Variants in HMCN1 observed in about 807,000 individuals in gnomAD.
HMCN1 encodes hemicentin-1.
Under a neutral mutation model 625.9 loss-of-function variants are expected in HMCN1, and 321 were observed. The observed-to-expected ratio is 0.51, with a 90% CI of 0.47 to 0.56. The LOEUF (loss-of-function observed/expected upper bound fraction) is 0.56, where lower values mean the gene tolerates loss of function less well. Ranked by LOEUF, HMCN1 falls within the 20% of genes least tolerant of loss-of-function variation. The pLI is 0.00. For missense variants in HMCN1, 6,588 were observed against 6,887.3 expected, an observed-to-expected ratio of 0.96 and a Z score of 1.54; for synonymous variants, 2,425 against 2,417.6, an observed-to-expected ratio of 1.00 and a Z score of -0.09.
intron 1 of HMCN1, among the ~76,000 whole-genome samples, chr1:185,752,255 T>G (rs1654866012): frequency 6.6e-6 from 1 of 152,080 alleles, no homozygotes; most frequent in Admixed American, 6.6e-5. Context: ...TTTTTTGGGT[T>G]AGTGGGAGGA....
At chr1:186,131,638 A>T (rs1339212562) in intron 85 of HMCN1, among the ~76,000 whole-genome samples, 1 of 152,084 alleles carries the variant, frequency 6.6e-6, no homozygotes, top group African/African-American at 2.4e-5. Context: ...ACTACCTGCA[A>T]ATCAGTTCCC....
intron 2 of HMCN1, among the ~76,000 whole-genome samples, chr1:185,848,795 A>C (rs893943422): frequency 3.9e-5 from 6 of 152,084 alleles, no homozygotes; most frequent in African/African-American, 1.5e-4. Context: ...CCTTATAGTC[A>C]GTCCAACTGT....
intron 68 of HMCN1, among the ~76,000 whole-genome samples, chr1:186,102,357 G>T (rs1171420504): frequency 6.6e-6 from 1 of 152,078 alleles, no homozygotes; most frequent in Non-Finnish European, 1.5e-5. Context: ...GGAAAACAGA[G>T]ACTAACAGAT....
In HMCN1 at chr1:185,811,827, C is replaced by T. The variant is rs185480358; in HGVS notation, c.269-34199C>T. Among the ~76,000 whole-genome samples, 305 of 152,116 alleles carry T rather than the reference C, an allele frequency of 2.0e-3. 4 individuals carry two copies. Among genetic ancestry groups the T allele is most frequent in the African/African-American group, 7.2e-3 (298 of 41,522 alleles). On this transcript the variant is annotated intron_variant, in intron 1 of 106. Coordinates refer to ENST00000271588, the MANE Select transcript of HMCN1 (RefSeq NM_031935.3). ...TGAAATGCTGAACATATTGAACTAA[C>T]CTATGGACCTTCTTTCTTGACATTA...
chr1:185,910,823 C>G (rs577380828), intron 5 of HMCN1, among the ~76,000 whole-genome samples: 2 of 152,250 alleles, frequency 1.3e-5, no homozygotes, highest in South Asian at 4.1e-4. Context: ...CCCACCTCGG[C>G]CTCCCAAAGT....
At chr1:186,050,813 T>G (rs548277884) in intron 42 of HMCN1, among the ~76,000 whole-genome samples, 1 of 152,182 alleles carries the variant, frequency 6.6e-6, no homozygotes, top group South Asian at 2.1e-4. Flanking sequence ...CTATGCCATG[T>G]GTGGACATAG....
intron 97 of HMCN1, among the ~76,000 whole-genome samples, chr1:186,160,510 G>A (rs970154411): frequency 2.6e-5 from 4 of 151,372 alleles, no homozygotes; most frequent in African/African-American, 7.3e-5. Flanking sequence ...TAATTGTGAT[G>A]TTAGGGTGTC....
rs1654492003 is a variant in HMCN1, at chr1:186,018,265, G to A, written c.5383G>A (p.Ala1795Thr). 6.2e-7 allele frequency: 1 copy of A among 1,612,774 alleles called. No homozygotes were observed. The change falls in exon 34 of 107, where the codon GCT becomes ACT. Residue 1795 changes from alanine (A) to threonine (T), a missense_variant. Ala to Thr is a moderately conservative substitution (Grantham distance 58). Coordinates refer to ENST00000271588, the MANE Select transcript of HMCN1 (RefSeq NM_031935.3). ...LNGRKLVIAQAQVSNTGLYRC... is the reference protein window; with the variant it reads ...LNGRKLVIAQTQVSNTGLYRC... Reference sequence around the variant, plus strand: ...TGGACGCAAACTGGTTATTGCTCAGGCTCAAGTGTCAAACACAGGCCTTTA... The same window carrying A: ...TGGACGCAAACTGGTTATTGCTCAGACTCAAGTGTCAAACACAGGCCTTTA...
chr1:185,824,485 C>T (rs1053811797), intron 1 of HMCN1, among the ~76,000 whole-genome samples: 12 of 152,144 alleles, frequency 7.9e-5, no homozygotes, highest in Non-Finnish European at 1.6e-4. Context: ...CTGCAAGCTA[C>T]ACAATGCCTT....
chr1:185,995,110 A>G lies in HMCN1; in HGVS notation c.3778+23A>G, dbSNP rs776311522. ...AAGGTGATTCTTGACACAGGAAAAT[A>G]TATGTATGTAGGGTGGGGAGTGAGA... On this transcript the variant is annotated intron_variant, in intron 24 of 106. Transcript: ENST00000271588. 19 of 1,609,404 alleles carry G rather than the reference A, an allele frequency of 1.2e-5. No homozygotes were observed. In the Admixed American group the frequency reaches 1.3e-4, roughly 11 times the overall value.
chr1:186,032,961 C>T (rs1023072640), intron 36 of HMCN1, among the ~76,000 whole-genome samples: 4 of 152,038 alleles, frequency 2.6e-5, no homozygotes, highest in Non-Finnish European at 5.9e-5. Flanking sequence ...GACACATGCA[C>T]ATGCATGTTT....
intron 11 of HMCN1, among the ~76,000 whole-genome samples, chr1:185,935,235 G>C (rs183841041): frequency 9.4e-4 from 143 of 152,204 alleles, no homozygotes; most frequent in African/African-American, 2.9e-3. Context: ...TAACGTTATA[G>C]TCCATAATTT....
rs1653581731 is a variant in HMCN1 at position 186,189,572 on chromosome 1, G to A, written c.16602G>A (p.Leu5534=). ...DLECALSPYA[L]EYKLVSLPFG... is the part of the protein sequence containing the mutation. Reference sequence around the variant, plus strand: ...AATGTGCCTTGAGCCCATATGCCTTGGAATACAAACTCGTCTCCCTCCCAT... The same window carrying A: ...AATGTGCCTTGAGCCCATATGCCTTAGAATACAAACTCGTCTCCCTCCCAT... Residue 5534 remains leucine, a synonymous_variant, in exon 107 of 107, where the codon TTG becomes TTA. Transcript: ENST00000271588. The A allele has an allele frequency of 6.2e-7, 1 of 1,613,684 alleles. No individual in the cohort carries two copies.
At chr1:185,804,480 A>G (rs1467135013) in intron 1 of HMCN1, among the ~76,000 whole-genome samples, 1 of 152,102 alleles carries the variant, frequency 6.6e-6, no homozygotes, top group Admixed American at 6.6e-5. Flanking sequence ...GATTTACTTT[A>G]ATACTACAGC....
chr1:185,872,285 T>G (rs779107513), intron 4 of HMCN1, among the ~76,000 whole-genome samples: 6 of 152,188 alleles, frequency 3.9e-5, no homozygotes, highest in Non-Finnish European at 5.9e-5. Context: ...ATTGACATGT[T>G]GTCTGTATGA....
intron 1 of HMCN1, among the ~76,000 whole-genome samples, chr1:185,755,648 C>T (rs908879873): frequency 2.6e-5 from 4 of 152,134 alleles, no homozygotes; most frequent in African/African-American, 9.7e-5. Flanking sequence ...CTGAGGAGAA[C>T]ACAACTGCTC....
chr1:186,166,815 T>C lies in HMCN1; in HGVS notation c.15447T>C (p.Asp5149=). The C allele has an allele frequency of 6.2e-7, 1 of 1,614,180 alleles. No individual in the cohort carries two copies. The highest frequency in any genetic ancestry group is 8.5e-7 in the Non-Finnish European group (1 of 1,180,018). Residue 5149 remains aspartate (D), a synonymous_variant, in exon 100 of 107, where the codon GAT becomes GAC. Coordinates refer to ENST00000271588, the MANE Select transcript of HMCN1 (RefSeq NM_031935.3). ...TGATTCCCTCTGTTGCAGATATTGA[T>C]GAGTGTGCTTTGGGTAGGCATACCT... is the stretch of plus-strand genomic sequence containing the variant. The part of the protein sequence containing the change: ...AADGRTCQDI[D]ECALGRHTCH...
At chr1:186,009,780 G>T (rs979793865) in intron 30 of HMCN1, among the ~76,000 whole-genome samples, 1 of 152,164 alleles carries the variant, frequency 6.6e-6, no homozygotes, top group African/African-American at 2.4e-5. Context: ...TATCCTATCA[G>T]GAGATTGTGC....
At chr1:185,986,081 A>C (rs1651979427) in intron 19 of HMCN1, among the ~76,000 whole-genome samples, 1 of 152,192 alleles carries the variant, frequency 6.6e-6, no homozygotes, top group Non-Finnish European at 1.5e-5. Context: ...TTGAAAGATG[A>C]ATATTCCATG....
Sources: allele counts gnomAD v4.1 joint callset (sites outside exome capture counted in the v4.1 genomes callset), GRCh38; gene constraint gnomAD v4.1.1; transcripts MANE v1.5; gene names NCBI Gene and HGNC (gene_info 2026-07-23, HGNC 2026-07-21).